The following NXPH1 variants were observed in gnomAD, a reference collection of about 807,000 sequenced individuals.
NXPH1 encodes neurexophilin 1.
NXPH1 carries 5 observed loss-of-function variants against 23.7 expected under a neutral mutation model. The observed-to-expected ratio is 0.21, with a 90% CI of 0.11 to 0.44. The LOEUF is 0.44. Among genes scored for constraint, NXPH1 ranks in the 20% least tolerant of loss-of-function variants. The pLI, the probability that NXPH1 is intolerant of heterozygous loss-of-function variation, is 0.99. For missense variants in NXPH1, 324 were observed against 321.6 expected, an observed-to-expected ratio of 1.01 and a Z score of -0.06; for synonymous variants, 144 against 122.2, an observed-to-expected ratio of 1.18 and a Z score of -1.18.
intron 2 of NXPH1, among the ~76,000 whole-genome samples, chr7:8,602,963 A>G (rs879884575): frequency 6.6e-6 from 1 of 151,696 alleles, no homozygotes; most frequent in Non-Finnish European, 1.5e-5. Context: ...GGCGCCCACC[A>G]CCATGCACAG....
intron 2 of NXPH1, among the ~76,000 whole-genome samples, chr7:8,597,960 G>C (rs10234708): frequency 0.1 from 15,461 of 151,820 alleles, 2,192 homozygotes; most frequent in African/African-American, 0.32. Context: ...CCTATCATTT[G>C]AGTGTAGTCA....
At position 8,716,962 on chromosome 7, in the gene NXPH1, A is replaced by G. The variant is rs1234408556; in HGVS notation, c.55-34046A>G. On this transcript the variant is annotated intron_variant, in intron 2 of 2. Coordinates refer to ENST00000405863, the MANE Select transcript of NXPH1 (RefSeq NM_152745.3). ...TTGATTAGTACAGCAGTGAGGCTCCAAGACACTGCTCTGGTGCCCCAGTAC... is the reference window on the plus strand; with the variant it reads ...TTGATTAGTACAGCAGTGAGGCTCCGAGACACTGCTCTGGTGCCCCAGTAC... Among the ~76,000 whole-genome samples, 3 of 152,320 alleles carry G rather than the reference A, an allele frequency of 2.0e-5. No homozygotes were observed. In the East Asian group the frequency reaches 5.8e-4, roughly 29 times the overall value.
At chr7:8,629,579 A>G (rs1238344539) in intron 2 of NXPH1, among the ~76,000 whole-genome samples, 1 of 152,184 alleles carries the variant, frequency 6.6e-6, no homozygotes, top group East Asian at 1.9e-4. Flanking sequence ...GCTGTTATGT[A>G]TATAAGTCAT....
At chr7:8,714,849 C>T (rs972865670) in intron 2 of NXPH1, among the ~76,000 whole-genome samples, 1 of 152,164 alleles carries the variant, frequency 6.6e-6, no homozygotes, top group East Asian at 1.9e-4. Flanking sequence ...CTTCCCTCCC[C>T]TCTCCTAAAG....
At chr7:8,681,078 C>A (rs985741912) in intron 2 of NXPH1, among the ~76,000 whole-genome samples, 3 of 152,220 alleles carry the variant, frequency 2.0e-5, no homozygotes, top group Non-Finnish European at 4.4e-5. Context: ...GTACAGTGCT[C>A]CTCTCCTAGA....
intron 2 of NXPH1, among the ~76,000 whole-genome samples, chr7:8,634,127 C>T (rs1820177095): frequency 6.6e-6 from 1 of 151,982 alleles, no homozygotes; most frequent in South Asian, 2.1e-4. Context: ...AGCTGTGTCC[C>T]CACTCAAATC....
intron 2 of NXPH1, among the ~76,000 whole-genome samples, chr7:8,711,768 C>T (rs1779799606): frequency 6.6e-6 from 1 of 152,052 alleles, no homozygotes; most frequent in South Asian, 2.1e-4. Context: ...TAAACAGGGT[C>T]ATGTAAATGG....
intron 2 of NXPH1, among the ~76,000 whole-genome samples, chr7:8,645,751 T>C (rs1303013451): frequency 2.0e-5 from 3 of 152,092 alleles, no homozygotes; most frequent in Non-Finnish European, 4.4e-5. Context: ...TGGAATTGAG[T>C]TTTGGAGTAC....
chr7:8,719,722 A>G (rs10236810), intron 2 of NXPH1, among the ~76,000 whole-genome samples: 99,336 of 152,026 alleles, frequency 0.65, 33,604 homozygotes, highest in African/African-American at 0.83. Flanking sequence ...ACTATGCCAT[A>G]CTACTTAAAA....
At chr7:8,481,750 G>A (rs1349842675) in intron 2 of NXPH1, among the ~76,000 whole-genome samples, 1 of 152,148 alleles carries the variant, frequency 6.6e-6, no homozygotes, top group Non-Finnish European at 1.5e-5. Context: ...ATAATGCTGA[G>A]GTTTGGGGTA....
chr7:8,566,026 A>G (rs1215886500), intron 2 of NXPH1, among the ~76,000 whole-genome samples: 2 of 151,816 alleles, frequency 1.3e-5, no homozygotes, highest in African/African-American at 4.8e-5. Flanking sequence ...TGGTTACTCC[A>G]AAGTAGGTGG....
chr7:8,557,277 A>AAAC lies in NXPH1; in HGVS notation c.54+121537_54+121539dup, dbSNP rs56699161. On this transcript the variant is annotated intron_variant, in intron 2 of 2. Transcript: ENST00000405863. The stretch of plus-strand genomic sequence containing the variant: ...ATGCATTGTAAATGCTTAAGTGTTA[A>AAAC]AACAACAACAACAACAACAACAACA... 5.0e-3 allele frequency among the ~76,000 whole-genome samples: 760 copies of AAAC among 151,100 alleles called. 1 individual carries two copies. The highest frequency in any genetic ancestry group is 6.7e-3 in the Non-Finnish European group (456 of 67,650).
At chr7:8,550,090 A>G (rs73050660) in intron 2 of NXPH1, among the ~76,000 whole-genome samples, 9,620 of 151,694 alleles carry the variant, frequency 0.063, 351 homozygotes, top group Middle Eastern at 0.11. Flanking sequence ...ACCAATAGGT[A>G]GTTATAAAAC....
chr7:8,583,606 T>C (rs1818924907), intron 2 of NXPH1, among the ~76,000 whole-genome samples: 1 of 152,154 alleles, frequency 6.6e-6, no homozygotes, highest in Admixed American at 6.5e-5. Context: ...CAGCACTTAG[T>C]GATAGAATCG....
rs79683389 is a variant in NXPH1 at position 8,634,062 on chromosome 7, G to A, written c.55-116946G>A. Among the ~76,000 whole-genome samples the A allele has an allele frequency of 5.4e-3, 816 of 152,172 alleles. 6 individuals are homozygous for A. The highest frequency in any genetic ancestry group is 0.019 in the African/African-American group (770 of 41,506). On this transcript the variant is annotated intron_variant, in intron 2 of 2. Transcript: ENST00000405863. ...TTGAGTCTGATGTGAGGCTGAAATC[G>A]AATCTGTCTCATGACAATTTCTATT...
intron 2 of NXPH1, among the ~76,000 whole-genome samples, chr7:8,601,749 A>G (rs1437232467): frequency 6.6e-6 from 1 of 152,156 alleles, no homozygotes; most frequent in East Asian, 1.9e-4. Context: ...CTCTGTGATG[A>G]GAAACTCCTT....
intron 2 of NXPH1, among the ~76,000 whole-genome samples, chr7:8,440,308 C>T (rs918214954): frequency 2.0e-5 from 3 of 152,206 alleles, no homozygotes; most frequent in African/African-American, 4.8e-5. Context: ...TTTTCTGCCC[C>T]ATTTCCAGAA....
intron 2 of NXPH1, among the ~76,000 whole-genome samples, chr7:8,690,916 G>T (rs996609527): frequency 1.3e-5 from 2 of 152,100 alleles, no homozygotes; most frequent in Non-Finnish European, 2.9e-5. Context: ...ATAGGATCTT[G>T]CACTGCTCCT....
intron 2 of NXPH1, among the ~76,000 whole-genome samples, chr7:8,576,117 T>G (rs1243523023): frequency 1.3e-5 from 2 of 152,202 alleles, no homozygotes; most frequent in East Asian, 1.9e-4. Context: ...TGAAGAGAGA[T>G]ATGCCTTTTA....
Sources: allele counts gnomAD v4.1 joint callset (sites outside exome capture counted in the v4.1 genomes callset), GRCh38; gene constraint gnomAD v4.1.1; transcripts MANE v1.5; gene names NCBI Gene and HGNC (gene_info 2026-07-23, HGNC 2026-07-21).